MBD2: variants seen among roughly 807,000 people sequenced by gnomAD.
The protein encoded by MBD2 is methyl-CpG-binding domain protein 2.
Under a neutral mutation model 39.3 loss-of-function variants are expected in MBD2, and 9 were observed. That is an observed-to-expected ratio of 0.23 (90% CI 0.14 to 0.40). The LOEUF (loss-of-function observed/expected upper bound fraction) is 0.40, where lower values mean the gene tolerates loss of function less well. Ranked by LOEUF, MBD2 falls within the 10% of genes least tolerant of loss-of-function variation. The probability of loss-of-function intolerance (pLI) is 1.00; values close to 1 mark genes in which losing one functional copy is unlikely to be tolerated. For synonymous variants in MBD2, 233 were observed against 211.1 expected (o/e 1.10, Z -0.90); for missense variants, 458 against 532.6 (o/e 0.86, Z 1.38).
At chr18:54,221,847 A>C (rs1261154082) in intron 1 of MBD2, among the ~76,000 whole-genome samples, 1 of 152,242 alleles carries the variant, frequency 6.6e-6, no homozygotes, top group Non-Finnish European at 1.5e-5. Context: ...AATCCAAATG[A>C]GCACTACAAC....
rs367968145 is a variant in MBD2, at chr18:54,210,983, T to C, written c.543-5826A>G. 1.4e-4 allele frequency among the ~76,000 whole-genome samples: 20 copies of C among 148,020 alleles called. No individual in the cohort carries two copies. The East Asian group carries it at 2.6e-3, about 19-fold the overall frequency. On this transcript the variant is annotated intron_variant, in intron 1 of 6. Transcript: ENST00000256429. ...GCCTCCCGGGTTCACGCCATTCTCC[T>C]GCCTCAGCCTCCCAAGTAGCTGGGA...
At chr18:54,168,572 C>CAT (rs56174434) in intron 3 of MBD2, among the ~76,000 whole-genome samples, 2,408 of 114,792 alleles carry the variant, frequency 0.021, 211 homozygotes, top group African/African-American at 0.059. Flanking sequence ...AATGGAGATA[C>CAT]ATATATATAT....
chr18:54,180,897 C>CTTTTTTTTATTTTTTT (rs1211071727), intron 3 of MBD2, among the ~76,000 whole-genome samples: 1 of 105,372 alleles, frequency 9.5e-6, no homozygotes, highest in Non-Finnish European at 1.8e-5. Context: ...TTAATTTTTT[C>CTTTTTTTTATTTTTTT]TTTTTCTTTT....
At chr18:54,170,735 C>T (rs1452038107) in intron 3 of MBD2, among the ~76,000 whole-genome samples, 1 of 152,168 alleles carries the variant, frequency 6.6e-6, no homozygotes, top group East Asian at 1.9e-4. Flanking sequence ...CAAAACTCTA[C>T]AAGGCCGACT....
chr18:54,174,868 CAT>C (rs759416576), intron 3 of MBD2, among the ~76,000 whole-genome samples: 19 of 152,214 alleles, frequency 1.2e-4, no homozygotes, highest in Non-Finnish European at 2.2e-4. Context: ...GGTTCCCACA[CAT>C]GTGTGAATCT....
chr18:54,189,525 T>C (rs1339279705), intron 2 of MBD2, among the ~76,000 whole-genome samples: 1 of 151,902 alleles, frequency 6.6e-6, no homozygotes, highest in Non-Finnish European at 1.5e-5. Flanking sequence ...CCCGGCCAGC[T>C]TTTTGTATAC....
At position 54,163,238 on chromosome 18, in the gene MBD2, C is replaced by T. The variant is rs372805329; in HGVS notation, c.1109+1285G>A. 5.3e-4 allele frequency among the ~76,000 whole-genome samples: 80 copies of T among 152,278 alleles called. 1 individual carries two copies. The South Asian group carries it at 0.014, about 26-fold the overall frequency. ...AGTGAGCTGAGTTTGTGCCACTCCACTCCAGCCTGGGCAACAGAGCAAAAC... is the reference window on the plus strand; with the variant it reads ...AGTGAGCTGAGTTTGTGCCACTCCATTCCAGCCTGGGCAACAGAGCAAAAC... On this transcript the variant is annotated intron_variant, in intron 5 of 6. Coordinates refer to ENST00000256429, the MANE Select transcript of MBD2 (RefSeq NM_003927.5).
At chr18:54,199,595 C>T (rs2086390623) in intron 2 of MBD2, among the ~76,000 whole-genome samples, 1 of 152,118 alleles carries the variant, frequency 6.6e-6, no homozygotes, top group African/African-American at 2.4e-5. Context: ...CTCGATCTTC[C>T]TCACTCCACC....
intron 1 of MBD2, among the ~76,000 whole-genome samples, chr18:54,208,885 C>T (rs1381871419): frequency 6.6e-6 from 1 of 152,200 alleles, no homozygotes; most frequent in Non-Finnish European, 1.5e-5. Context: ...ATAATTTGAA[C>T]TCAATTAAAA....
intron 5 of MBD2, among the ~76,000 whole-genome samples, chr18:54,161,973 C>T (rs533638655): frequency 1.6e-4 from 25 of 152,262 alleles, no homozygotes; most frequent in African/African-American, 5.3e-4. Context: ...GGAGGAGCCA[C>T]GAGACAAGGA....
chr18:54,159,901 T>C lies in MBD2; in HGVS notation c.1112A>G (p.Lys371Arg). Residue 371 changes from lysine to arginine, a missense_variant and splice_region_variant, in exon 6 of 7, where the codon AAA becomes AGA. Coordinates refer to ENST00000256429, the MANE Select transcript of MBD2 (RefSeq NM_003927.5). ...AFIVTDEDIR[K>R]QEERVQQVRK... is the part of the protein sequence containing the mutation. ...TACTTGCTGTACTCGCTCTTCCTGTTTCCTTTTTAAAAACAGAATAAAAAG... is the reference window on the plus strand; with the variant it reads ...TACTTGCTGTACTCGCTCTTCCTGTCTCCTTTTTAAAAACAGAATAAAAAG... 2 of 1,611,496 alleles carry C rather than the reference T, an allele frequency of 1.2e-6. No homozygotes were observed. The highest frequency in any genetic ancestry group is 1.7e-6 in the Non-Finnish European group (2 of 1,179,950).
chr18:54,160,115 C>G (rs529867144), intron 5 of MBD2: 3 of 500,004 alleles, frequency 6.0e-6, no homozygotes, highest in East Asian at 6.5e-5. Flanking sequence ...GGCAGTTATC[C>G]CTCATCACAC....
At chr18:54,171,478 T>G (rs1352807241) in intron 3 of MBD2, among the ~76,000 whole-genome samples, 3 of 152,194 alleles carry the variant, frequency 2.0e-5, no homozygotes, top group African/African-American at 7.2e-5. Flanking sequence ...TGAAAGATTT[T>G]AAAAAATATT....
chr18:54,175,362 T>C (rs1387455924), intron 3 of MBD2, among the ~76,000 whole-genome samples: 2 of 152,254 alleles, frequency 1.3e-5, no homozygotes, highest in Admixed American at 6.5e-5. Context: ...AGAGCCTCTA[T>C]GAACATCGTC....
At chr18:54,162,525 C>A (rs2086104535) in intron 5 of MBD2, among the ~76,000 whole-genome samples, 3 of 152,310 alleles carry the variant, frequency 2.0e-5, no homozygotes, top group Non-Finnish European at 4.4e-5. Context: ...AAAAGGAAAT[C>A]ATCCAGAATT....
intron 1 of MBD2, among the ~76,000 whole-genome samples, chr18:54,214,878 G>T (rs755652948): frequency 3.3e-5 from 5 of 151,546 alleles, no homozygotes; most frequent in Non-Finnish European, 7.4e-5. Context: ...TAGCTGGGAC[G>T]ACAGGCGCCC....
intron 2 of MBD2, chr18:54,202,844 G>T: frequency 6.8e-7 from 1 of 1,466,130 alleles, no homozygotes; most frequent in Non-Finnish European, 9.5e-7. Flanking sequence ...TCACAGTCTA[G>T]CTGAAGCAGA....
At position 54,224,612 on chromosome 18, in the gene MBD2, A is replaced by G; in HGVS notation, c.-53T>C. On this transcript the variant is annotated 5_prime_UTR_variant, in exon 1 of 7. Coordinates refer to ENST00000256429, the MANE Select transcript of MBD2 (RefSeq NM_003927.5). ...CTTCTTCCGTAACCGAGCCCTTGGA[A>G]TCCCGGAGACCCGCCCCGCCCGCAG... is the stretch of plus-strand genomic sequence containing the variant. 2 of 1,192,986 alleles carry G rather than the reference A, an allele frequency of 1.7e-6. No individual in the cohort carries two copies. The highest frequency in any genetic ancestry group is 1.6e-5 in the African/African-American group (1 of 63,582). 73.9% of individuals were successfully genotyped at this position (1,192,986 alleles called of 1,614,324 possible).
Position 54,224,266 on chromosome 18 carries a change from C to T in MBD2, c.294G>A (p.Pro98=), listed in dbSNP as rs1159001805. The T allele has an allele frequency of 1.0e-6, 1 of 960,984 alleles. No individual in the cohort carries two copies. The highest frequency in any genetic ancestry group is 1.2e-6 in the Non-Finnish European group (1 of 810,030). The allele number at this position is 960,984 out of a possible 1,614,324, so 59.5% of individuals were successfully genotyped here. Residue 98 remains proline, a synonymous_variant, in exon 1 of 7, where the codon CCG becomes CCA. Coordinates refer to ENST00000256429, the MANE Select transcript of MBD2 (RefSeq NM_003927.5). ...CGCCGCCAAGGCCGCTGCCGCCACT[C>T]GGGGGACGGCCGCGGCCCCGGCCCC... ...RGRGRGRGRP[P]SGGSGLGGDG...
Sources: allele counts gnomAD v4.1 joint callset (sites outside exome capture counted in the v4.1 genomes callset), GRCh38; gene constraint gnomAD v4.1.1; transcripts MANE v1.5; gene names NCBI Gene and HGNC (gene_info 2026-07-23, HGNC 2026-07-21).